FHIP1A: variants seen among roughly 807,000 people sequenced by gnomAD.
FHIP1A encodes FHF complex subunit HOOK-interacting protein 1A.
In FHIP1A, 61 loss-of-function variants were observed where a neutral mutation model predicts 88.6. The ratio of observed to expected loss-of-function variants is 0.69; its 90% CI spans 0.56 to 0.85. The LOEUF is 0.85. Ranked by LOEUF, FHIP1A falls within the 40% of genes least tolerant of loss-of-function variation. The pLI, the probability that FHIP1A is intolerant of heterozygous loss-of-function variation, is 0.00. For missense variants in FHIP1A, 1,154 were observed against 1,273.5 expected, an observed-to-expected ratio of 0.91 and a Z score of 1.43; for synonymous variants, 478 against 496.0, an observed-to-expected ratio of 0.96 and a Z score of 0.48.
chr4:151,438,383 A>G (rs1354351739), intron 1 of FHIP1A, among the ~76,000 whole-genome samples: 3 of 152,124 alleles, frequency 2.0e-5, no homozygotes, highest in African/African-American at 4.8e-5. Flanking sequence ...GGCAGTGGAC[A>G]TACTAGTAAC....
intron 7 of FHIP1A, among the ~76,000 whole-genome samples, chr4:151,597,656 C>G (rs948292334): frequency 3.9e-5 from 6 of 152,174 alleles, no homozygotes; most frequent in Non-Finnish European, 8.8e-5. Context: ...GGTGCTCTTT[C>G]CCAGGGAGAT....
chr4:151,488,325 A>C (rs7680013), intron 3 of FHIP1A, among the ~76,000 whole-genome samples: 78,992 of 151,636 alleles, frequency 0.52, 20,834 homozygotes, highest in African/African-American at 0.55. Flanking sequence ...TTCCCCCCTC[A>C]CTCTCTCTCC....
At chr4:151,410,551 G>A (rs1159946058) in intron 1 of FHIP1A, among the ~76,000 whole-genome samples, 1 of 152,148 alleles carries the variant, frequency 6.6e-6, no homozygotes, top group Non-Finnish European at 1.5e-5. Flanking sequence ...TGATTAATGA[G>A]AGGGAAGATT....
intron 3 of FHIP1A, among the ~76,000 whole-genome samples, chr4:151,551,027 A>G (rs1289120234): frequency 2.6e-5 from 4 of 152,208 alleles, no homozygotes; most frequent in Non-Finnish European, 5.9e-5. Flanking sequence ...ATCACGGGCA[A>G]AGCAGCTGTC....
intron 3 of FHIP1A, among the ~76,000 whole-genome samples, chr4:151,489,636 G>C (rs1374782836): frequency 6.6e-6 from 1 of 152,110 alleles, no homozygotes; most frequent in Non-Finnish European, 1.5e-5. Context: ...TGCTGTTATC[G>C]AGGCATGGTG....
At chr4:151,476,414 G>T (rs1281565515) in intron 2 of FHIP1A, among the ~76,000 whole-genome samples, 1 of 152,026 alleles carries the variant, frequency 6.6e-6, no homozygotes, top group African/African-American at 2.4e-5. Context: ...CTCCAGAAGT[G>T]CTGGGATTAC....
At position 151,669,002 on chromosome 4, in the gene FHIP1A, T is replaced by A. The variant is rs1737763600; in HGVS notation, c.*6248T>A. On this transcript the variant is annotated 3_prime_UTR_variant, in exon 14 of 14. Transcript: ENST00000435205. The stretch of plus-strand genomic sequence containing the variant: ...TGTGGTGCCAACTCATACATTTTAA[T>A]GAGATTTCTCCCTGAAGGGTGAACC... Among the ~76,000 whole-genome samples, 1 of 152,216 alleles carries A rather than the reference T, an allele frequency of 6.6e-6. No homozygotes were observed. Among genetic ancestry groups the A allele is most frequent in the East Asian group, 1.9e-4 (1 of 5,190 alleles).
chr4:151,479,289 T>G (rs2126631068), intron 2 of FHIP1A, among the ~76,000 whole-genome samples: 1 of 152,200 alleles, frequency 6.6e-6, no homozygotes, highest in Middle Eastern at 3.4e-3. Flanking sequence ...TCATCCTCTC[T>G]GTGCCTCAGT....
chr4:151,517,927 A>C (rs987361978), intron 3 of FHIP1A, among the ~76,000 whole-genome samples: 12 of 152,218 alleles, frequency 7.9e-5, no homozygotes, highest in Admixed American at 1.3e-4. Flanking sequence ...AAAAGTTCAA[A>C]AAATTAAAAA....
rs1578788636 is a variant in FHIP1A, at chr4:151,588,885, A to G, written c.937A>G (p.Asn313Asp). Residue 313 changes from asparagine to aspartate, a missense_variant, in exon 7 of 14, where the codon AAT (asparagine) becomes GAT (aspartate). By Grantham distance (23) the Asn-to-Asp change is conservative. Coordinates refer to ENST00000435205, the MANE Select transcript of FHIP1A (RefSeq NM_001109977.3). ...IRNQLVNYIY[N>D]GFLVPVLAPA... is the part of the protein sequence containing the mutation. ...AAATCAGCTTGTCAATTACATTTAC[A>G]ATGGATTTTTGGTACCAGTCTTGGC... 1 of 1,551,450 alleles carries G rather than the reference A, an allele frequency of 6.4e-7. No individual in the cohort carries two copies. Among genetic ancestry groups the G allele is most frequent in the Non-Finnish European group, 8.7e-7 (1 of 1,146,830 alleles).
At position 151,525,787 on chromosome 4, in the gene FHIP1A, C is replaced by T. The variant is rs574466967; in HGVS notation, c.-122-40351C>T. ...CATTTTTAATTTTTTATTGATCATT[C>T]TTGGGTGTTTCTCGCAGAGGGGGAT... is the stretch of plus-strand genomic sequence containing the variant. On this transcript the variant is annotated intron_variant, in intron 3 of 13. Transcript: ENST00000435205. 2.7e-3 allele frequency among the ~76,000 whole-genome samples: 320 copies of T among 119,228 alleles called. 1 individual carries two copies. The highest frequency in any genetic ancestry group is 5.0e-3 in the Admixed American group (55 of 10,916). 78.2% of individuals were successfully genotyped at this position (119,228 alleles called of 152,430 possible). A position where few individuals can be genotyped will look rare whatever the true frequency, so the allele number is the denominator to read the frequency against.
intron 3 of FHIP1A, among the ~76,000 whole-genome samples, chr4:151,496,239 A>G (rs1730456343): frequency 2.7e-5 from 4 of 148,668 alleles, no homozygotes; most frequent in Admixed American, 2.7e-4. Context: ...AAGATTATAT[A>G]TATATATTTT....
At chr4:151,648,989 T>A (rs1298052743) in intron 10 of FHIP1A, among the ~76,000 whole-genome samples, 2 of 152,082 alleles carry the variant, frequency 1.3e-5, no homozygotes, top group Admixed American at 1.3e-4. Context: ...CAGAATGAGT[T>A]AATAGGCTTT....
In FHIP1A at chr4:151,650,467, A is replaced by G. The variant is rs1736987969; in HGVS notation, c.2426A>G (p.Asp809Gly). ...EGKKELEDEE[D>G]DFDSFIAEMP... ...AAGAAGGAGCTAGAAGATGAGGAGGATGACTTTGACTCTTTTATAGCGGAG... is the reference window on the plus strand; with the variant it reads ...AAGAAGGAGCTAGAAGATGAGGAGGGTGACTTTGACTCTTTTATAGCGGAG... Residue 809 changes from aspartate to glycine, a missense_variant, in exon 11 of 14, where the codon GAT becomes GGT. By Grantham distance (94) the Asp-to-Gly change is moderately conservative. Transcript: ENST00000435205. 1.9e-6 allele frequency: 3 copies of G among 1,551,516 alleles called. No homozygotes were observed. The highest frequency in any genetic ancestry group is 2.7e-5 in the African/African-American group (2 of 73,036).
intron 2 of FHIP1A, among the ~76,000 whole-genome samples, chr4:151,463,581 C>T (rs1580595835): frequency 6.6e-6 from 1 of 152,252 alleles, no homozygotes; most frequent in East Asian, 1.9e-4. Flanking sequence ...AAAATATATG[C>T]CCCCAGCCTT....
chr4:151,535,533 A>G (rs1034013013), intron 3 of FHIP1A, among the ~76,000 whole-genome samples: 1 of 152,166 alleles, frequency 6.6e-6, no homozygotes, highest in Non-Finnish European at 1.5e-5. Flanking sequence ...ATACATATCT[A>G]TGTGTATATC....
intron 2 of FHIP1A, among the ~76,000 whole-genome samples, chr4:151,468,017 G>A (rs1729384268): frequency 1.3e-5 from 2 of 150,170 alleles, no homozygotes; most frequent in Admixed American, 6.6e-5. Context: ...GGGCATGTTG[G>A]CTCATGCCTG....
chr4:151,646,390 A>C lies in FHIP1A; in HGVS notation c.1227-168A>C, dbSNP rs1323491178. Among the ~76,000 whole-genome samples the C allele has an allele frequency of 3.3e-5, 5 of 152,340 alleles. No homozygotes were observed. In the East Asian group the frequency reaches 7.7e-4, roughly 24 times the overall value. ...TGCAAAGAGGTTGTTCTTTCAGAAGAAATTAAGCTAAGGAGTGAACCCTGG... is the reference window on the plus strand; with the variant it reads ...TGCAAAGAGGTTGTTCTTTCAGAAGCAATTAAGCTAAGGAGTGAACCCTGG... On this transcript the variant is annotated intron_variant, in intron 9 of 13. Transcript: ENST00000435205.
At chr4:151,549,365 G>A (rs537063766) in intron 3 of FHIP1A, among the ~76,000 whole-genome samples, 1 of 151,978 alleles carries the variant, frequency 6.6e-6, no homozygotes, top group African/African-American at 2.4e-5. Context: ...GAAACTTGGG[G>A]TTCACTATAT....
Sources: allele counts gnomAD v4.1 joint callset (sites outside exome capture counted in the v4.1 genomes callset), GRCh38; gene constraint gnomAD v4.1.1; transcripts MANE v1.5; gene names NCBI Gene and HGNC (gene_info 2026-07-23, HGNC 2026-07-21).